Variants in CEP57 observed in about 807,000 individuals in gnomAD.
The protein encoded by CEP57 is centrosomal protein 57, also known as centrosomal protein of 57 kDa.
Under a neutral mutation model 68.0 loss-of-function variants are expected in CEP57, and 40 were observed. The observed-to-expected ratio is 0.59, with a 90% CI of 0.46 to 0.77. The LOEUF is 0.77. CEP57 is among the 30% of genes least tolerant of loss of function. The pLI, the probability that CEP57 is intolerant of heterozygous loss-of-function variation, is 0.00. For missense variants in CEP57, 606 were observed against 580.7 expected (o/e 1.04, Z -0.45); for synonymous variants, 219 against 198.7 (o/e 1.10, Z -0.86).
In CEP57 at chr11:95,831,069, C is replaced by A; in HGVS notation, c.1316C>A (p.Ala439Asp). Residue 439 changes from alanine to aspartate, a missense_variant, in exon 11 of 11, where the codon GCT becomes GAT. Physicochemically the swap from Ala to Asp is moderately radical, Grantham distance 126 (BLOSUM62 -2). Coordinates refer to ENST00000325542, the MANE Select transcript of CEP57 (RefSeq NM_014679.5). The part of the protein sequence containing the change: ...KLEKQKKELK[A>D]TKKTLDEERN... Reference sequence around the variant, plus strand: ...GAGAAGCAGAAGAAGGAATTAAAAGCTACCAAAAAGACTCTTGATGAAGAA... The same window carrying A: ...GAGAAGCAGAAGAAGGAATTAAAAGATACCAAAAAGACTCTTGATGAAGAA... 3.1e-6 allele frequency: 5 copies of A among 1,613,312 alleles called. No individual in the cohort carries two copies. Among genetic ancestry groups the A allele is most frequent in the Non-Finnish European group, 4.2e-6 (5 of 1,179,576 alleles).
chr11:95,790,999 C>G (rs1366765726), intron 1 of CEP57, among the ~76,000 whole-genome samples: 5 of 152,350 alleles, frequency 3.3e-5, no homozygotes, highest in South Asian at 4.1e-4. Context: ...GCAACCAACC[C>G]CGGTTGCCTA....
intron 1 of CEP57, among the ~76,000 whole-genome samples, chr11:95,795,014 GTC>G (rs1194653653): frequency 2.6e-5 from 4 of 152,092 alleles, no homozygotes; most frequent in African/African-American, 9.7e-5. Context: ...TGTTGTATTT[GTC>G]TCTCCTACTT....
chr11:95,822,277 T>G, intron 7 of CEP57: 1 of 586,946 alleles, frequency 1.7e-6, no homozygotes, highest in Non-Finnish European at 3.0e-6. Context: ...CTACTTAGAA[T>G]GTAACTGTTG....
intron 1 of CEP57, among the ~76,000 whole-genome samples, chr11:95,795,193 C>T (rs886231862): frequency 1.3e-5 from 2 of 152,100 alleles, no homozygotes; most frequent in Admixed American, 6.5e-5. Flanking sequence ...GTAACTGATA[C>T]GTTTAGGATA....
rs201769882 is a variant in CEP57 at position 95,790,684 on chromosome 11, T to G, written c.-15T>G. 170 of 1,613,644 alleles carry G rather than the reference T, an allele frequency of 1.1e-4. No individual in the cohort carries two copies. In the African/African-American group the frequency reaches 2.0e-3, roughly 19 times the overall value. ...CCGCCCCCGAAGTGCGGAGACCCCC[T>G]GGGCAGGCTGAAAGATGGCGGCGGC... is the stretch of plus-strand genomic sequence containing the variant. On this transcript the variant is annotated 5_prime_UTR_variant, in exon 1 of 11. Transcript: ENST00000325542.
chr11:95,805,625 A>G (rs1278213964), intron 2 of CEP57, among the ~76,000 whole-genome samples: 5 of 152,210 alleles, frequency 3.3e-5, no homozygotes. Context: ...TATAGTTTAA[A>G]TTAGTGTTTA....
rs768269976 is a variant in CEP57, at chr11:95,821,935, A to T, written c.764A>T (p.Asn255Ile). Residue 255 changes from asparagine (N) to isoleucine (I), a missense_variant, in exon 7 of 11, where the codon AAT becomes ATT. Coordinates refer to ENST00000325542, the MANE Select transcript of CEP57 (RefSeq NM_014679.5). ...FEDKATPCVP[N>I]ARRIKKKKSK... ...GATAAGGCAACTCCGTGTGTTCCCA[A>T]TGCAAGAAGAATTAAAAAAAAGAAG... is the stretch of plus-strand genomic sequence containing the variant. The T allele has an allele frequency of 6.2e-7, 1 of 1,612,880 alleles. No homozygotes were observed. Among genetic ancestry groups the T allele is most frequent in the South Asian group, 1.1e-5 (1 of 91,034 alleles).
At chr11:95,814,223 T>C (rs374031079) in intron 4 of CEP57, among the ~76,000 whole-genome samples, 1 of 151,562 alleles carries the variant, frequency 6.6e-6, no homozygotes, top group East Asian at 1.9e-4. Flanking sequence ...CAGCTAACTT[T>C]TGTGTGTGTG....
At chr11:95,830,090 T>C (rs1175085581) in intron 10 of CEP57, among the ~76,000 whole-genome samples, 2 of 152,198 alleles carry the variant, frequency 1.3e-5, no homozygotes, top group Non-Finnish European at 2.9e-5. Context: ...TTGGTAGCCA[T>C]ATGATAGACA....
At chr11:95,804,024 AAG>A (rs1036102169) in intron 2 of CEP57, among the ~76,000 whole-genome samples, 5 of 152,206 alleles carry the variant, frequency 3.3e-5, no homozygotes, top group African/African-American at 1.2e-4. Flanking sequence ...AGCAAAATAA[AAG>A]AAAAATTTCA....
At chr11:95,799,472 T>G in intron 2 of CEP57, 84 bp downstream of exon 2, 2 of 1,535,070 alleles carry the variant, frequency 1.3e-6, no homozygotes, top group Non-Finnish European at 1.8e-6. Flanking sequence ...TATTTTGCCA[T>G]TAGAGGAAAA....
chr11:95,794,225 G>A (rs1391089628), intron 1 of CEP57: 2 of 454,704 alleles, frequency 4.4e-6, no homozygotes, highest in Non-Finnish European at 8.8e-6. Context: ...TTCCAGACCA[G>A]AGGCTGGGCT....
chr11:95,795,109 C>T (rs1861285941), intron 1 of CEP57, among the ~76,000 whole-genome samples: 1 of 152,128 alleles, frequency 6.6e-6, no homozygotes, highest in Non-Finnish European at 1.5e-5. Flanking sequence ...CTTTGCTTTT[C>T]TTCAGTAGAA....
chr11:95,790,831 C>T (rs894402224), intron 1 of CEP57, 88 bp downstream of exon 1: 1 of 1,476,896 alleles, frequency 6.8e-7, no homozygotes. Context: ...GTCAGTCCAG[C>T]TTCTGACGCA....
rs1862408972 is a variant in CEP57 at position 95,818,831 on chromosome 11, A to C, written c.626A>C (p.Lys209Thr). 1 of 1,613,770 alleles carries C rather than the reference A, an allele frequency of 6.2e-7. No homozygotes were observed. The highest frequency in any genetic ancestry group is 8.5e-7 in the Non-Finnish European group (1 of 1,179,734). Residue 209 changes from lysine (K) to threonine (T), a missense_variant, in exon 6 of 11, where the codon AAA becomes ACA. Lys to Thr is a moderately conservative substitution (Grantham distance 78, BLOSUM62 -1). Coordinates refer to ENST00000325542, the MANE Select transcript of CEP57 (RefSeq NM_014679.5). ...TTTTGACATTTTTATCACTAGAAAA[A>C]AATGCAAGAGTTGGAAGCAAAACTC... ...LTTMQALAEK[K>T]MQELEAKLHE... is the part of the protein sequence containing the mutation.
At chr11:95,794,465 C>A (rs1173997518) in intron 1 of CEP57, 2 of 371,268 alleles carry the variant, frequency 5.4e-6, no homozygotes, top group African/African-American at 4.2e-5. Context: ...GGTATCGTCC[C>A]ACTTGTAAAT....
At chr11:95,822,258 A>G in intron 7 of CEP57, 1 of 581,058 alleles carries the variant, frequency 1.7e-6, no homozygotes, top group Non-Finnish European at 3.1e-6. Flanking sequence ...GTATATGTAT[A>G]CTGATTTTCT....
intron 2 of CEP57, among the ~76,000 whole-genome samples, chr11:95,800,178 T>A (rs1048996638): frequency 3.9e-5 from 6 of 152,212 alleles, no homozygotes; most frequent in African/African-American, 1.2e-4. Context: ...TGGGGCTCTG[T>A]TCTTTACTAG....
chr11:95,791,007 C>G (rs1220711274), intron 1 of CEP57, among the ~76,000 whole-genome samples: 1 of 152,214 alleles, frequency 6.6e-6, no homozygotes, highest in Non-Finnish European at 1.5e-5. Context: ...CCCCGGTTGC[C>G]TAACATTCCC....
Sources: allele counts gnomAD v4.1 joint callset (sites outside exome capture counted in the v4.1 genomes callset), GRCh38; gene constraint gnomAD v4.1.1; transcripts MANE v1.5; gene names NCBI Gene and HGNC (gene_info 2026-07-23, HGNC 2026-07-21).